The following TF variants were observed in gnomAD, a reference collection of about 807,000 sequenced individuals.
TF encodes transferrin, also known as serotransferrin.
In TF, 55 loss-of-function variants were observed where a neutral mutation model predicts 82.4. The observed-to-expected ratio is 0.67, with a 90% CI of 0.54 to 0.84. The LOEUF (loss-of-function observed/expected upper bound fraction) is 0.84. TF is among the 40% of genes least tolerant of loss of function. The pLI is 0.00. For missense variants in TF, 737 were observed against 868.4 expected, an observed-to-expected ratio of 0.85 and a Z score of 1.90; for synonymous variants, 332 against 332.6, an observed-to-expected ratio of 1.00 and a Z score of 0.02.
the TF span, among the ~76,000 whole-genome samples, chr3:133,668,716 T>A: frequency 2.0e-5 from 3 of 152,144 alleles, no homozygotes; most frequent in Non-Finnish European, 4.4e-5. Context: ...CCAGCATCTG[T>A]GTTCATTGCA....
chr3:133,678,712 G>T, the TF span, among the ~76,000 whole-genome samples: 1 of 151,966 alleles, frequency 6.6e-6, no homozygotes, highest in Non-Finnish European at 1.5e-5. Flanking sequence ...GGGGTTGTTT[G>T]CTTTTTCTTG....
rs1934867518 is a variant in TF at position 133,792,555 on chromosome 3, TAA to T, written c.*13938_*13939del. 1 of 152,162 alleles carries T rather than the reference TAA, an allele frequency of 6.6e-6. No individual in the cohort carries two copies. The allele number at this position is 152,162 out of a possible 1,614,324, so 9.4% of individuals were successfully genotyped here. ...CTAGACTCCACAACTAATATATAATTAAAATCCTTAACTTACCAAAGTTTTCA... is the reference window on the plus strand; with the variant it reads ...CTAGACTCCACAACTAATATATAATTAATCCTTAACTTACCAAAGTTTTCA... On this transcript the variant is annotated 3_prime_UTR_variant, in exon 17 of 17. Transcript: ENST00000402696.
At position 133,787,612 on chromosome 3, in the gene TF, G is replaced by T. The variant is rs957886851; in HGVS notation, c.*8992G>T. ...AAATACTGTGTTTGCAAGTGGGATT[G>T]TTAAATCACCTCTGTGAACAGTGTT... On this transcript the variant is annotated 3_prime_UTR_variant, in exon 17 of 17. Coordinates refer to ENST00000402696, the MANE Select transcript of TF (RefSeq NM_001063.4). The T allele has an allele frequency of 5.3e-5, 8 of 152,196 alleles. No homozygotes were observed. Among genetic ancestry groups the T allele is most frequent in the Non-Finnish European group, 1.2e-4 (8 of 68,036 alleles). The allele number at this position is 152,196 out of a possible 1,614,324, so 9.4% of individuals were successfully genotyped here.
chr3:133,684,799 T>G, the TF span, among the ~76,000 whole-genome samples: 14 of 152,248 alleles, frequency 9.2e-5, no homozygotes, highest in Non-Finnish European at 1.8e-4. Context: ...GTACCATTCC[T>G]TCTGTAACTA....
intron 14 of TF, chr3:133,770,928 A>G: frequency 3.0e-6 from 1 of 332,000 alleles, no homozygotes. Context: ...TGGATTTAAT[A>G]CTCGTCACGT....
chr3:133,738,792 C>A, the TF span, among the ~76,000 whole-genome samples: 1 of 152,114 alleles, frequency 6.6e-6, no homozygotes, highest in Non-Finnish European at 1.5e-5. Context: ...AACTACAAAC[C>A]ACTGCTCAAC....
chr3:133,722,966 G>C, the TF span, among the ~76,000 whole-genome samples: 1 of 152,136 alleles, frequency 6.6e-6, no homozygotes, highest in Non-Finnish European at 1.5e-5. Context: ...TGGTCTTAGG[G>C]GTGATGAATT....
At chr3:133,678,251 AG>A in the TF span, among the ~76,000 whole-genome samples, 1 of 152,198 alleles carries the variant, frequency 6.6e-6, no homozygotes, top group Non-Finnish European at 1.5e-5. Context: ...TTCTTAATCC[AG>A]TCTATCATTG....
rs369361522 is a variant in TF at position 133,770,738 on chromosome 3, C to T, written c.1687+166C>T. ...GAAGAGAGACATGTTCACCTGAGTG[C>T]GCAGAATGATCAGGATTATGGGGCC... On this transcript the variant is annotated intron_variant, in intron 14 of 16. Coordinates refer to ENST00000402696, the MANE Select transcript of TF (RefSeq NM_001063.4). 477 of 861,026 alleles carry T rather than the reference C, an allele frequency of 5.5e-4. 4 individuals carry two copies. Among genetic ancestry groups the T allele is most frequent in the African/African-American group, 5.2e-3 (310 of 60,148 alleles). 53.3% of individuals were successfully genotyped at this position (861,026 alleles called of 1,614,324 possible).
upstream of TF, among the ~76,000 whole-genome samples, chr3:133,741,684 C>G (rs1351991990): frequency 6.6e-6 from 1 of 152,038 alleles, no homozygotes; most frequent in Non-Finnish European, 1.5e-5. Flanking sequence ...AGGGTCATAC[C>G]GTTTTCCTTT....
the TF span, among the ~76,000 whole-genome samples, chr3:133,724,971 T>A: frequency 6.6e-6 from 1 of 152,176 alleles, no homozygotes; most frequent in African/African-American, 2.4e-5. Context: ...GTTGTAGATA[T>A]GTGGCGTTAT....
chr3:133,696,274 C>T, the TF span, among the ~76,000 whole-genome samples: 8 of 151,258 alleles, frequency 5.3e-5, no homozygotes, highest in Non-Finnish European at 1.2e-4. Flanking sequence ...CCAGCCTGGG[C>T]GACAGAGCAA....
the TF span, among the ~76,000 whole-genome samples, chr3:133,737,806 T>C: frequency 1.3e-5 from 2 of 152,042 alleles, no homozygotes; most frequent in Non-Finnish European, 2.9e-5. Context: ...AGTTCTGAAA[T>C]AGAAGCAGTA....
chr3:133,762,569 G>A lies in TF; in HGVS notation c.1204-1613G>A, dbSNP rs570432525. ...ACTTTATCATAGGCTTGTATGTATA[G>A]GAAATAAACATTGTATAGGGTTTCA... On this transcript the variant is annotated intron_variant, in intron 9 of 16. Transcript: ENST00000402696. 2.0e-5 allele frequency among the ~76,000 whole-genome samples: 3 copies of A among 152,236 alleles called. No individual in the cohort carries two copies. The South Asian group carries it at 6.2e-4, about 32-fold the overall frequency.
At position 133,781,022 on chromosome 3, in the gene TF, A is replaced by C. The variant is rs920901420; in HGVS notation, c.*2402A>C. The C allele has an allele frequency of 6.6e-6, 1 of 151,780 alleles. No individual in the cohort carries two copies. The highest frequency in any genetic ancestry group is 1.5e-5 in the Non-Finnish European group (1 of 67,988). The allele number at this position is 151,780 out of a possible 1,614,324, so 9.4% of individuals were successfully genotyped here. ...GCAAGACTCTGTCTGGAAAATAATA[A>C]AAATAATAATAATAGGCAGGGCGTG... On this transcript the variant is annotated 3_prime_UTR_variant, in exon 17 of 17. Coordinates refer to ENST00000402696, the MANE Select transcript of TF (RefSeq NM_001063.4).
At chr3:133,687,778 G>A in the TF span, among the ~76,000 whole-genome samples, 1 of 152,068 alleles carries the variant, frequency 6.6e-6, no homozygotes, top group African/African-American at 2.4e-5. Flanking sequence ...TTTTCATGAC[G>A]GAATAATATT....
the TF span, among the ~76,000 whole-genome samples, chr3:133,694,735 C>G: frequency 1.3e-5 from 2 of 152,236 alleles, no homozygotes; most frequent in Admixed American, 1.3e-4. Context: ...GCCCCATCTC[C>G]CTCTCAGCCC....
chr3:133,777,397 A>G, intron 16 of TF, 159 bp downstream of exon 16: 1 of 695,784 alleles, frequency 1.4e-6, no homozygotes, highest in Non-Finnish European at 2.5e-6. Context: ...CATGTATGAC[A>G]GGCTAGACTG....
Position 133,775,510 on chromosome 3 carries a change from C to T in TF, c.1765C>T (p.Pro589Ser), listed in dbSNP as rs1049296. 0.16 allele frequency: 261,806 copies of T among 1,613,992 alleles called. 22,356 individuals are homozygous for T. The highest frequency in any genetic ancestry group is 0.25 in the East Asian group (11,039 of 44,864). The change falls in exon 15 of 17, where the codon CCT (proline) becomes TCT (serine). Residue 589 changes from proline to serine, a missense_variant. By Grantham distance (74) the Pro-to-Ser change is moderately conservative. Coordinates refer to ENST00000402696, the MANE Select transcript of TF (RefSeq NM_001063.4). ...GCTGTGCCTTGATGGTACCAGGAAA[C>T]CTGTGGAGGAGTATGCGAACTGCCA... is the stretch of plus-strand genomic sequence containing the variant. ...ELLCLDGTRKPVEEYANCHLA... is the reference protein window; with the variant it reads ...ELLCLDGTRKSVEEYANCHLA...
Sources: gnomAD v4.1 joint callset for allele counts (sites outside exome capture counted in the v4.1 genomes callset) on GRCh38, gnomAD v4.1.1 for gene constraint, MANE v1.5 for transcripts, NCBI Gene and HGNC (gene_info 2026-07-23, HGNC 2026-07-21) for gene names.